Variants in RANBP2 observed in about 807,000 individuals in gnomAD.
The protein encoded by RANBP2 is RAN binding protein 2.
RANBP2 carries 57 observed loss-of-function variants against 303.6 expected under a neutral mutation model. That is an observed-to-expected ratio of 0.19 (90% CI 0.15 to 0.23). The LOEUF is 0.23. Ranked by LOEUF, RANBP2 falls within the 10% of genes least tolerant of loss-of-function variation. The probability of loss-of-function intolerance (pLI) is 1.00; values close to 1 mark genes in which losing one functional copy is unlikely to be tolerated. For missense variants in RANBP2, 3,138 were observed against 3,780.8 expected (o/e 0.83, Z 4.46); for synonymous variants, 1,167 against 1,301.5 (o/e 0.90, Z 2.23).
the RANBP2 span, among the ~76,000 whole-genome samples, chr2:109,387,684 A>T: frequency 5.9e-5 from 9 of 152,100 alleles, no homozygotes; most frequent in African/African-American, 1.7e-4. Context: ...TCCTCCATGT[A>T]CTTCTCACCA....
the RANBP2 span, among the ~76,000 whole-genome samples, chr2:108,973,128 T>C: frequency 2.6e-5 from 4 of 152,180 alleles, no homozygotes; most frequent in East Asian, 1.9e-4. Context: ...CTGGGATTAA[T>C]GGCACCCGCC....
chr2:109,455,530 A>G, the RANBP2 span, among the ~76,000 whole-genome samples: 2 of 150,132 alleles, frequency 1.3e-5, no homozygotes, highest in Non-Finnish European at 3.0e-5. Context: ...GTGTGTTACT[A>G]TGGCATATAC....
At chr2:109,317,352 G>A in the RANBP2 span, among the ~76,000 whole-genome samples, 3 of 152,042 alleles carry the variant, frequency 2.0e-5, no homozygotes, top group African/African-American at 7.2e-5. Context: ...GGCAGGTGCC[G>A]CCCCAGCCCC....
the RANBP2 span, among the ~76,000 whole-genome samples, chr2:108,946,797 G>A: frequency 6.6e-6 from 1 of 152,116 alleles, no homozygotes; most frequent in Non-Finnish European, 1.5e-5. Flanking sequence ...CTCCCACCAT[G>A]TTTCTCCCTT....
the RANBP2 span, among the ~76,000 whole-genome samples, chr2:109,671,717 A>AG: frequency 6.6e-6 from 1 of 152,166 alleles, no homozygotes; most frequent in Admixed American, 6.5e-5. Context: ...TGAATCAGGA[A>AG]GGGGAAAAAA....
At chr2:109,423,036 T>G in the RANBP2 span, among the ~76,000 whole-genome samples, 7 of 152,276 alleles carry the variant, frequency 4.6e-5, no homozygotes, top group African/African-American at 1.7e-4. Context: ...TGGGACTGCA[T>G]GTCAGCTTGC....
the RANBP2 span, among the ~76,000 whole-genome samples, chr2:109,247,224 G>A: frequency 6.6e-6 from 1 of 152,184 alleles, no homozygotes; most frequent in East Asian, 1.9e-4. Flanking sequence ...ACCCCACACA[G>A]ATGCCCACAG....
At chr2:109,777,433 C>T in the RANBP2 span, among the ~76,000 whole-genome samples, 1 of 138,574 alleles carries the variant, frequency 7.2e-6, no homozygotes, top group Non-Finnish European at 1.6e-5. Flanking sequence ...GACTATGTCA[C>T]TTGGTTATGG....
At position 108,766,214 on chromosome 2, in the gene RANBP2, C is replaced by T. The variant is rs1677107728; in HGVS notation, c.5675C>T (p.Pro1892Leu). 3 of 1,612,178 alleles carry T rather than the reference C, an allele frequency of 1.9e-6. No individual in the cohort carries two copies. Among genetic ancestry groups the T allele is most frequent in the Non-Finnish European group, 2.5e-6 (3 of 1,179,996 alleles). Residue 1892 changes from proline to leucine, a missense_variant, in exon 20 of 29, where the codon CCT becomes CTT. Physicochemically the swap from Pro to Leu is moderately conservative, Grantham distance 98. Around this residue, in one of 20 missense-constraint regions of RANBP2, gnomAD observed 348 missense variants for 360.4 expected, o/e 0.97. Coordinates refer to ENST00000283195, the MANE Select transcript of RANBP2 (RefSeq NM_006267.5). ...TCAACCAAAGAAGGATTTTCCATCC[C>T]TGTGTCTGCTGATGGATTTAAATTT... ...FKSTKEGFSI[P>L]VSADGFKFGI...
chr2:109,208,672 A>G, the RANBP2 span, among the ~76,000 whole-genome samples: 1 of 141,000 alleles, frequency 7.1e-6, no homozygotes, highest in Non-Finnish European at 1.5e-5. Flanking sequence ...TTATGTAACA[A>G]TAGATAACCA....
At chr2:108,825,978 TG>T in the RANBP2 span, among the ~76,000 whole-genome samples, 2 of 152,228 alleles carry the variant, frequency 1.3e-5, no homozygotes, top group East Asian at 3.8e-4. Context: ...TCAATCATTA[TG>T]GTTTTCATTC....
the RANBP2 span, among the ~76,000 whole-genome samples, chr2:109,463,054 T>C: frequency 1.3e-5 from 2 of 152,208 alleles, no homozygotes; most frequent in African/African-American, 4.8e-5. Flanking sequence ...GGGTCTTTCC[T>C]CAAGAAGACC....
At chr2:108,890,826 C>T in the RANBP2 span, among the ~76,000 whole-genome samples, 2 of 152,192 alleles carry the variant, frequency 1.3e-5, no homozygotes, top group Non-Finnish European at 2.9e-5. Context: ...TTTGTGTTTT[C>T]CCAAGTGTCA....
the RANBP2 span, among the ~76,000 whole-genome samples, chr2:109,297,853 T>C: frequency 1.3e-5 from 2 of 151,982 alleles, no homozygotes; most frequent in Non-Finnish European, 2.9e-5. Context: ...CCTGGGCCAG[T>C]TCGCCCCACC....
chr2:109,474,946 G>T, the RANBP2 span, among the ~76,000 whole-genome samples: 1 of 152,164 alleles, frequency 6.6e-6, no homozygotes, highest in African/African-American at 2.4e-5. Flanking sequence ...AGTGTTTTTT[G>T]TCTTTTGTTT....
chr2:108,890,659 G>A, the RANBP2 span, among the ~76,000 whole-genome samples: 3 of 152,198 alleles, frequency 2.0e-5, no homozygotes, highest in Admixed American at 2.0e-4. Context: ...AACGCTTGCA[G>A]AATGTATCTT....
the RANBP2 span, among the ~76,000 whole-genome samples, chr2:109,520,740 G>A: frequency 7.2e-6 from 1 of 138,840 alleles, no homozygotes; most frequent in Non-Finnish European, 1.6e-5. Flanking sequence ...AGACCAGCCT[G>A]GCCAATACGG....
chr2:109,276,868 A>C, the RANBP2 span, among the ~76,000 whole-genome samples: 22 of 152,254 alleles, frequency 1.4e-4, no homozygotes, highest in East Asian at 1.7e-3. Flanking sequence ...AAATAATCTA[A>C]ATTCACATGG....
the RANBP2 span, chr2:108,804,896 A>G: frequency 1.9e-5 from 29 of 1,554,918 alleles, no homozygotes; most frequent in African/African-American, 4.1e-4. Context: ...TAGCAGCATG[A>G]TGCAGAAGTT....
Sources: allele counts gnomAD v4.1 joint callset (sites outside exome capture counted in the v4.1 genomes callset), GRCh38; gene constraint gnomAD v4.1.1; regional missense constraint gnomAD v4.1.1; transcripts MANE v1.5; gene names NCBI Gene and HGNC (gene_info 2026-07-23, HGNC 2026-07-21).